The following POLD2 variants were observed in gnomAD, a reference collection of about 807,000 sequenced individuals.
POLD2 encodes DNA polymerase delta 2, accessory subunit.
POLD2 carries 31 observed loss-of-function variants against 48.8 expected under a neutral mutation model. The observed-to-expected ratio is 0.64, with a 90% CI of 0.48 to 0.86. The LOEUF is 0.86. Among genes scored for constraint, POLD2 ranks in the 40% least tolerant of loss-of-function variants. POLD2 has a pLI of 0.00. For synonymous variants in POLD2, 233 were observed against 256.3 expected (o/e 0.91, Z 0.87); for missense variants, 455 against 610.1 (o/e 0.75, Z 2.68).
rs775485254 is a variant in POLD2, at chr7:44,117,726, T to C, written c.359A>G (p.Gln120Arg). Residue 120 changes from glutamine to arginine, a missense_variant, in exon 4 of 11, where the codon CAG (glutamine) becomes CGG (arginine). Physicochemically the swap from Gln to Arg is conservative, Grantham distance 43 (BLOSUM62 1). Transcript: ENST00000610533. The stretch of plus-strand genomic sequence containing the variant: ...GTGTATGTATTTACTCCGAGGAGGC[T>C]GGGGGAGCAGGTTGTGCTGGAATGC... ...EVSEEHNLLPQPPRSKYIHPD... is the reference protein window; with the variant it reads ...EVSEEHNLLPRPPRSKYIHPD... The C allele has an allele frequency of 6.2e-7, 1 of 1,613,818 alleles. No homozygotes were observed.
Position 44,123,531 on chromosome 7 carries a change from G to T in POLD2, c.-77C>A, listed in dbSNP as rs868269578. 22 of 1,487,250 alleles carry T rather than the reference G, an allele frequency of 1.5e-5. No homozygotes were observed. The African/African-American group carries it at 3.1e-4, about 21-fold the overall frequency. 92.1% of individuals were successfully genotyped at this position (1,487,250 alleles called of 1,614,324 possible). Reference sequence around the variant, plus strand: ...CTCACCGCGCGGCGCGCCGCATCCCGCCAATCCCCGCGCGCCTGCCCCGCC... The same window carrying T: ...CTCACCGCGCGGCGCGCCGCATCCCTCCAATCCCCGCGCGCCTGCCCCGCC... On this transcript the variant is annotated 5_prime_UTR_variant, in exon 1 of 11. Transcript: ENST00000610533.
chr7:44,118,109 G>A (rs772321767), intron 2 of POLD2, 45 bp from the exon 3 acceptor site: 58 of 1,604,242 alleles, frequency 3.6e-5, no homozygotes, highest in Non-Finnish European at 4.7e-5. Flanking sequence ...TAGCCCCCCC[G>A]CCCGACAGAG....
In POLD2 at chr7:44,114,734, G is replaced by A. The variant is rs375555584; in HGVS notation, c.*51C>T. On this transcript the variant is annotated 3_prime_UTR_variant, in exon 11 of 11. Coordinates refer to ENST00000610533, the MANE Select transcript of POLD2 (RefSeq NM_006230.4). Reference sequence around the variant, plus strand: ...TTTATTTACAATGCCGACACTGCAGGGAATGAACAGCCTCCATCTGGGCCT... The same window carrying A: ...TTTATTTACAATGCCGACACTGCAGAGAATGAACAGCCTCCATCTGGGCCT... 6.5e-7 allele frequency: 1 copy of A among 1,544,454 alleles called. No individual in the cohort carries two copies. The highest frequency in any genetic ancestry group is 1.2e-5 in the South Asian group (1 of 85,926).
intron 2 of POLD2, among the ~76,000 whole-genome samples, chr7:44,119,210 A>G (rs1329655003): frequency 1.3e-5 from 2 of 151,896 alleles, no homozygotes; most frequent in Non-Finnish European, 2.9e-5. Flanking sequence ...GGGGCTTGGC[A>G]CTCTCGAGAA....
At position 44,116,301 on chromosome 7, in the gene POLD2, C is replaced by T; in HGVS notation, c.862-29G>A. The T allele has an allele frequency of 5.6e-6, 9 of 1,597,812 alleles. No individual in the cohort carries two copies. Among genetic ancestry groups the T allele is most frequent in the Non-Finnish European group, 6.8e-6 (8 of 1,170,500 alleles). On this transcript the variant is annotated intron_variant, in intron 7 of 10. Coordinates refer to ENST00000610533, the MANE Select transcript of POLD2 (RefSeq NM_006230.4). This position sits in a 1 kb window ranked among gnomAD's most constrained non-coding sequence, Gnocchi z 6.1. ...GAAGGCACAGGGCAGGGAGAGCTCACAGGGCCCCGAAGGAGCCCCCTACAC... is the reference window on the plus strand; with the variant it reads ...GAAGGCACAGGGCAGGGAGAGCTCATAGGGCCCCGAAGGAGCCCCCTACAC...
At chr7:44,123,241 G>C (rs780365289) in intron 1 of POLD2, 66 of 1,348,198 alleles carry the variant, frequency 4.9e-5, no homozygotes, top group Non-Finnish European at 4.4e-5. Context: ...ACTGGCCTGG[G>C]ACACAGGCTC....
chr7:44,115,659 C>A (rs2096237756), intron 9 of POLD2, 107 bp downstream of exon 9: 3 of 1,267,878 alleles, frequency 2.4e-6, no homozygotes, highest in Non-Finnish European at 3.3e-6. Flanking sequence ...TCAGACAGTT[C>A]TCAGCAATGC....
chr7:44,123,479 C>A, intron 1 of POLD2, 32 bp downstream of exon 1: 2 of 1,497,344 alleles, frequency 1.3e-6, no homozygotes, highest in Non-Finnish European at 1.8e-6. Flanking sequence ...CTGCCACCCC[C>A]AGCTGACCCC....
chr7:44,116,573 G>C lies in POLD2; in HGVS notation c.781-63C>G, dbSNP rs1230633063. Reference sequence around the variant, plus strand: ...AGTCCCAGGCTCAGAGGAGAGTAGAGCCCCACCAGCTGGAAGATGCAGTTG... The same window carrying C: ...AGTCCCAGGCTCAGAGGAGAGTAGACCCCCACCAGCTGGAAGATGCAGTTG... On this transcript the variant is annotated intron_variant, in intron 6 of 10. Transcript: ENST00000610533. This position sits in a 1 kb window ranked among gnomAD's most constrained non-coding sequence, Gnocchi z 6.1. 7.6e-7 allele frequency: 1 copy of C among 1,310,786 alleles called. No homozygotes were observed. The highest frequency in any genetic ancestry group is 1.1e-6 in the Non-Finnish European group (1 of 929,940). The allele number at this position is 1,310,786 out of a possible 1,614,324, so 81.2% of individuals were successfully genotyped here.
At chr7:44,122,210 A>G (rs3087370) in intron 1 of POLD2, 101 bp from the exon 2 acceptor site, 364,959 of 1,436,950 alleles carry the variant, frequency 0.25, 47,776 homozygotes, top group Admixed American at 0.29. Flanking sequence ...GAAAAGAAGG[A>G]GAACAGCTGT....
chr7:44,121,719 T>C lies in POLD2; in HGVS notation c.220+115A>G, dbSNP rs1458427730. The C allele has an allele frequency of 9.6e-7, 1 of 1,040,850 alleles. No homozygotes were observed. The highest frequency in any genetic ancestry group is 1.4e-6 in the Non-Finnish European group (1 of 726,182). The allele number at this position is 1,040,850 out of a possible 1,614,324, so 64.5% of individuals were successfully genotyped here. ...GAAACTGAGGGAAAAAGAGGTTAATTTTCCCAAGGTAACAGGAAGTGGGAT... is the reference window on the plus strand; with the variant it reads ...GAAACTGAGGGAAAAAGAGGTTAATCTTCCCAAGGTAACAGGAAGTGGGAT... On this transcript the variant is annotated intron_variant, in intron 2 of 10. Coordinates refer to ENST00000610533, the MANE Select transcript of POLD2 (RefSeq NM_006230.4). The surrounding 1 kb of genome is among the most constrained non-coding windows in gnomAD (Gnocchi z 4.5).
intron 9 of POLD2, 34 bp downstream of exon 9, chr7:44,115,732 C>G (rs766171670): frequency 3.7e-5 from 59 of 1,608,570 alleles, no homozygotes; most frequent in Admixed American, 5.1e-5. Flanking sequence ...CCTCCTGGCC[C>G]TCTGCTCCCA....
At chr7:44,123,168 C>T in intron 1 of POLD2, 1 of 1,006,134 alleles carries the variant, frequency 9.9e-7, no homozygotes, top group Non-Finnish European at 1.3e-6. Flanking sequence ...TTACTTTTTT[C>T]GTACACCTAC....
In POLD2 at chr7:44,116,243, G is replaced by A. The variant is rs368138685; in HGVS notation, c.891C>T (p.Gly297=). The stretch of plus-strand genomic sequence containing the variant: ...GCGTGTAATTGGTGGGATCAAACTC[G>A]CCTGGCATCACGTCCACGGGCACTG... ...SASVPVDVMP[G]EFDPTNYTLP... The change falls in exon 8 of 11, where the codon GGC becomes GGT. Residue 297 remains glycine (G), a synonymous_variant. Coordinates refer to ENST00000610533, the MANE Select transcript of POLD2 (RefSeq NM_006230.4). The surrounding 1 kb of genome is among the most constrained non-coding windows in gnomAD (Gnocchi z 6.1). 60 of 1,612,490 alleles carry A rather than the reference G, an allele frequency of 3.7e-5. No individual in the cohort carries two copies. The highest frequency in any genetic ancestry group is 2.9e-5 in the Non-Finnish European group (34 of 1,179,212).
chr7:44,115,567 C>T (rs1018918953), intron 9 of POLD2, 171 bp from the exon 10 acceptor site: 12 of 735,582 alleles, frequency 1.6e-5, no homozygotes, highest in South Asian at 3.7e-5. Flanking sequence ...TGTTGCTGCC[C>T]GTTGGGGTGG....
At chr7:44,115,431 G>A (rs199561744) in intron 9 of POLD2, 35 bp from the exon 10 acceptor site, 18 of 1,277,492 alleles carry the variant, frequency 1.4e-5, no homozygotes, top group Admixed American at 1.0e-4. Flanking sequence ...GGAGGGTTCC[G>A]CCTCAGCACT....
In POLD2 at chr7:44,123,253, GCA is replaced by G. The variant is rs1055497358; in HGVS notation, c.-57+256_-57+257del. The G allele has an allele frequency of 3.9e-5, 53 of 1,351,202 alleles. No individual in the cohort carries two copies. In the African/African-American group the frequency reaches 7.9e-4, roughly 20 times the overall value. The allele number at this position is 1,351,202 out of a possible 1,614,324, so 83.7% of individuals were successfully genotyped here. ...AGCACTGGCCTGGGACACAGGCTCC[GCA>G]CACGTGTCTAACGAGTGACTCGTTA... On this transcript the variant is annotated intron_variant, in intron 1 of 10. Coordinates refer to ENST00000610533, the MANE Select transcript of POLD2 (RefSeq NM_006230.4).
rs3217951 is a variant in POLD2, at chr7:44,121,222, G to T, written c.220+612C>A. Among the ~76,000 whole-genome samples the T allele has an allele frequency of 3.3e-5, 5 of 152,246 alleles. No homozygotes were observed. The highest frequency in any genetic ancestry group is 9.6e-5 in the African/African-American group (4 of 41,530). ...ACCTAAAACTCAAATAAACTCAAAG[G>T]GGGAGATGGGGGTCCCTGCTTCACC... On this transcript the variant is annotated intron_variant, in intron 2 of 10. Coordinates refer to ENST00000610533, the MANE Select transcript of POLD2 (RefSeq NM_006230.4). This position sits in a 1 kb window ranked among gnomAD's most constrained non-coding sequence, Gnocchi z 4.5.
At chr7:44,123,193 A>T in intron 1 of POLD2, 1 of 1,233,478 alleles carries the variant, frequency 8.1e-7, no homozygotes. Flanking sequence ...AAGTTAAAAA[A>T]TTCCCTAGCG....
Sources: allele counts gnomAD v4.1 joint callset (sites outside exome capture counted in the v4.1 genomes callset), GRCh38; gene constraint gnomAD v4.1.1; non-coding constraint Gnocchi (gnomAD v3.1); transcripts MANE v1.5; gene names NCBI Gene and HGNC (gene_info 2026-07-23, HGNC 2026-07-21).